Variants in DNAH11 observed in about 807,000 individuals in gnomAD.
DNAH11 encodes dynein axonemal heavy chain 11.
A neutral mutation model predicts 526.0 loss-of-function variants in DNAH11; 442 were observed. The observed-to-expected ratio is 0.84, with a 90% CI of 0.78 to 0.91. DNAH11 has a LOEUF of 0.91. Ranked by LOEUF, DNAH11 falls within the 40% of genes least tolerant of loss-of-function variation. The pLI, the probability that DNAH11 is intolerant of heterozygous loss-of-function variation, is 0.00. For synonymous variants in DNAH11, 2,461 were observed against 1,935.9 expected (o/e 1.27, Z -7.12); for missense variants, 6,989 against 5,448.7 (o/e 1.28, Z -8.90).
chr7:21,615,084 T>G, intron 20 of DNAH11, 30 bp from the exon 21 acceptor site: 2 of 1,566,828 alleles, frequency 1.3e-6, no homozygotes, highest in Non-Finnish European at 1.7e-6. Flanking sequence ...TCTGGCAGTT[T>G]GTATGCAGGT....
At chr7:21,867,616 CAGT>C (rs1783330918) in intron 71 of DNAH11, among the ~76,000 whole-genome samples, 1 of 152,166 alleles carries the variant, frequency 6.6e-6, no homozygotes, top group Admixed American at 6.5e-5. Flanking sequence ...AGGGGGGTCT[CAGT>C]AGCCCCCCAA....
chr7:21,575,548 A>G (rs1784058195), intron 8 of DNAH11, among the ~76,000 whole-genome samples: 1 of 152,204 alleles, frequency 6.6e-6, no homozygotes, highest in South Asian at 2.1e-4. Flanking sequence ...TTAGTCATAC[A>G]CAGCATTTTC....
intron 30 of DNAH11, among the ~76,000 whole-genome samples, chr7:21,661,224 G>T (rs1475532185): frequency 3.3e-5 from 5 of 152,038 alleles, no homozygotes; most frequent in South Asian, 2.1e-4. Context: ...TATTATTTCA[G>T]ATCTTAATTA....
rs924078433 is a variant in DNAH11 at position 21,617,643 on chromosome 7, G to A, written c.4120G>A (p.Val1374Ile). Residue 1374 changes from valine (V) to isoleucine (I), a missense_variant, in exon 23 of 82, where the codon GTC becomes ATC. Physicochemically the swap from Val to Ile is conservative, Grantham distance 29 (BLOSUM62 3). Coordinates refer to ENST00000409508, the MANE Select transcript of DNAH11 (RefSeq NM_001277115.2). ...AKEIWSLNKE[V>I]RVWDAYTGLE... Reference sequence around the variant, plus strand: ...GGAAATTTGGTCACTCAACAAGGAAGTCCGCGTCTGGGATGCTTACACGGG... The same window carrying A: ...GGAAATTTGGTCACTCAACAAGGAAATCCGCGTCTGGGATGCTTACACGGG... The A allele has an allele frequency of 1.2e-6, 2 of 1,613,720 alleles. No individual in the cohort carries two copies. Among genetic ancestry groups the A allele is most frequent in the Admixed American group, 3.3e-5 (2 of 59,938 alleles).
chr7:21,556,806 A>G (rs181019106), intron 2 of DNAH11, among the ~76,000 whole-genome samples: 1 of 152,264 alleles, frequency 6.6e-6, no homozygotes, highest in African/African-American at 2.4e-5. Flanking sequence ...TCGCACCTGT[A>G]GTCCTACCAC....
rs894435246 is a variant in DNAH11, at chr7:21,636,159, A to G, written c.4725+64A>G. ...TTTGTAAAGTAACATGGTTTTGAGC[A>G]TCGTATTTATAAAAATGAATGCATT... On this transcript the variant is annotated intron_variant, in intron 26 of 81. Coordinates refer to ENST00000409508, the MANE Select transcript of DNAH11 (RefSeq NM_001277115.2). 10 of 1,360,208 alleles carry G rather than the reference A, an allele frequency of 7.4e-6. 1 individual carries two copies. The African/African-American group carries it at 1.3e-4, about 18-fold the overall frequency. 84.3% of individuals were successfully genotyped at this position (1,360,208 alleles called of 1,614,324 possible). A position where few individuals can be genotyped will look rare whatever the true frequency, so the allele number is the denominator to read the frequency against.
Position 21,553,724 on chromosome 7 carries a change from T to G in DNAH11, c.496-5078T>G, listed in dbSNP as rs568290728. 7.9e-5 allele frequency among the ~76,000 whole-genome samples: 12 copies of G among 152,342 alleles called. No homozygotes were observed. The South Asian group carries it at 2.5e-3, about 32-fold the overall frequency. ...TTTCACCTCTTTCTTTGTGTCGAAA[T>G]CTGTCATTCGCCTTGTCTCCTTCAA... is the stretch of plus-strand genomic sequence containing the variant. On this transcript the variant is annotated intron_variant, in intron 2 of 81. Transcript: ENST00000409508.
At chr7:21,605,950 A>C (rs936387721) in intron 18 of DNAH11, among the ~76,000 whole-genome samples, 1 of 152,188 alleles carries the variant, frequency 6.6e-6, no homozygotes, top group Non-Finnish European at 1.5e-5. Context: ...CCTTGGTTCT[A>C]AGCCTTTTCA....
Position 21,570,065 on chromosome 7 carries a change from C to T in DNAH11, c.1195-4C>T. 1 of 1,587,000 alleles carries T rather than the reference C, an allele frequency of 6.3e-7. No individual in the cohort carries two copies. The highest frequency in any genetic ancestry group is 8.6e-7 in the Non-Finnish European group (1 of 1,166,606). ...GATCATTGTTCCCTTTCATTAAATC[C>T]TAGGCAACAGCTTACCTTTCACCTG... On this transcript the variant is annotated splice_region_variant and splice_polypyrimidine_tract_variant and intron_variant, in intron 6 of 81. Transcript: ENST00000409508.
At position 21,588,090 on chromosome 7, in the gene DNAH11, A is replaced by G. The variant is rs1583505343; in HGVS notation, c.1737A>G (p.Leu579=). ...FKLLTIFGNF[L]EKPVVMEIFS... is the part of the protein sequence containing the mutation. ...TTTTGACCATATTTGGAAATTTTCT[A>G]GAGAAGCCAGTTGTCATGGAAATTT... The change falls in exon 10 of 82, where the codon CTA becomes CTG. Residue 579 remains leucine (L), a synonymous_variant. Coordinates refer to ENST00000409508, the MANE Select transcript of DNAH11 (RefSeq NM_001277115.2). 2 of 1,613,310 alleles carry G rather than the reference A, an allele frequency of 1.2e-6. No homozygotes were observed. The highest frequency in any genetic ancestry group is 2.2e-5 in the East Asian group (1 of 44,810).
At position 21,600,067 on chromosome 7, in the gene DNAH11, T is replaced by A. The variant is rs763712822; in HGVS notation, c.2948T>A (p.Met983Lys). ...GAAATGTTATGCAATAGTTTTAGAA[T>A]GTCTGCCCAGATGAACCGAATAGCA... ...VEEMLCNSFR[M>K]SAQMNRIATH... Residue 983 changes from methionine to lysine, a missense_variant, in exon 15 of 82, where the codon ATG becomes AAG. Coordinates refer to ENST00000409508, the MANE Select transcript of DNAH11 (RefSeq NM_001277115.2). 3 of 1,598,376 alleles carry A rather than the reference T, an allele frequency of 1.9e-6. No individual in the cohort carries two copies. The South Asian group carries it at 3.4e-5, about 18-fold the overall frequency.
In DNAH11 at chr7:21,559,776, C is replaced by T. The variant is rs1040888811; in HGVS notation, c.866C>T (p.Ser289Leu). 3.1e-6 allele frequency: 5 copies of T among 1,599,424 alleles called. No individual in the cohort carries two copies. The African/African-American group carries it at 5.4e-5, about 17-fold the overall frequency. The change falls in exon 4 of 82, where the codon TCA becomes TTA. Residue 289 changes from serine to leucine, a missense_variant. Coordinates refer to ENST00000409508, the MANE Select transcript of DNAH11 (RefSeq NM_001277115.2). ...TGGATGATGAGGAGAGAAAATCTGT[C>T]ATGCATTTATGATCAAGTAAGTAGA... ...DFWMMRRENL[S>L]CIYDQLQAPV...
In DNAH11 at chr7:21,602,948, A is replaced by T. The variant is rs375119981; in HGVS notation, c.3648+1330A>T. On this transcript the variant is annotated intron_variant, in intron 18 of 81. Transcript: ENST00000409508. ...TTAAAAATGTACAATTTAGTACAAT[A>T]TTGTGCAACTACCACCTCTATCTAG... Among the ~76,000 whole-genome samples the T allele has an allele frequency of 7.1e-4, 108 of 152,226 alleles. No individual in the cohort carries two copies. The Middle Eastern group carries it at 0.014, about 19-fold the overall frequency.
intron 61 of DNAH11, among the ~76,000 whole-genome samples, chr7:21,789,840 CT>C (rs1489813568): frequency 8.3e-6 from 1 of 120,024 alleles, no homozygotes; most frequent in African/African-American, 3.3e-5. Flanking sequence ...TTCTTTCTTT[CT>C]TTCTTTCTTT....
chr7:21,866,335 A>AG lies in DNAH11; in HGVS notation c.11497-133dup. 1.3e-5 allele frequency: 9 copies of AG among 702,580 alleles called. No homozygotes were observed. The South Asian group carries it at 3.8e-4, about 29-fold the overall frequency. 43.5% of individuals were successfully genotyped at this position (702,580 alleles called of 1,614,324 possible). Reference sequence around the variant, plus strand: ...CTCAGCAGAGCAAAAAAAAAAAAAAAGGAAATCTGAAGAGGAGAGTGAATA... The same window carrying AG: ...CTCAGCAGAGCAAAAAAAAAAAAAAAGGGAAATCTGAAGAGGAGAGTGAATA... On this transcript the variant is annotated intron_variant, in intron 70 of 81. Coordinates refer to ENST00000409508, the MANE Select transcript of DNAH11 (RefSeq NM_001277115.2).
chr7:21,595,510 G>A (rs889770074), intron 14 of DNAH11, among the ~76,000 whole-genome samples: 7 of 152,182 alleles, frequency 4.6e-5, no homozygotes, highest in East Asian at 1.9e-4. Context: ...TGTGGAGCAC[G>A]AAAGAAAGAC....
At chr7:21,728,873 T>G (rs766496337) in intron 45 of DNAH11, among the ~76,000 whole-genome samples, 2 of 152,198 alleles carry the variant, frequency 1.3e-5, no homozygotes, top group African/African-American at 2.4e-5. Flanking sequence ...TCTTAAGACT[T>G]CAAAATAATC....
At chr7:21,828,900 A>C (rs1562570451) in intron 65 of DNAH11, among the ~76,000 whole-genome samples, 1 of 152,124 alleles carries the variant, frequency 6.6e-6, no homozygotes, top group African/African-American at 2.4e-5. Flanking sequence ...TGTATGAAGC[A>C]GCAAGACAAT....
At position 21,591,457 on chromosome 7, in the gene DNAH11, A is replaced by G. The variant is rs535761458; in HGVS notation, c.2547A>G (p.Leu849=). Reference sequence around the variant, plus strand: ...TGAGGGGCTGGGCCAGGTGCGTGCTACCTCCCAGGAGAGAGCACAGACGAG... The same window carrying G: ...TGAGGGGCTGGGCCAGGTGCGTGCTGCCTCCCAGGAGAGAGCACAGACGAG... ...QTMRGWARCV[L]PPRREHRREA... is the part of the protein sequence containing the mutation. Residue 849 remains leucine, a synonymous_variant, in exon 14 of 82, where the codon CTA becomes CTG. Coordinates refer to ENST00000409508, the MANE Select transcript of DNAH11 (RefSeq NM_001277115.2). 1.2e-4 allele frequency: 192 copies of G among 1,613,914 alleles called. No individual in the cohort carries two copies. In the East Asian group the frequency reaches 4.0e-3, roughly 34 times the overall value.
Sources: allele counts gnomAD v4.1 joint callset (sites outside exome capture counted in the v4.1 genomes callset), GRCh38; gene constraint gnomAD v4.1.1; transcripts MANE v1.5; gene names NCBI Gene and HGNC (gene_info 2026-07-23, HGNC 2026-07-21).